ZNF536: variants seen among roughly 807,000 people sequenced by gnomAD.
The protein encoded by ZNF536 is zinc finger protein 536.
In ZNF536, 13 loss-of-function variants were observed where a neutral mutation model predicts 84.5. The ratio of observed to expected loss-of-function variants is 0.15; its 90% CI spans 0.10 to 0.24. ZNF536 has a LOEUF of 0.24. Among genes scored for constraint, ZNF536 ranks in the 10% least tolerant of loss-of-function variants. The probability of loss-of-function intolerance (pLI) is 1.00; values close to 1 mark genes in which losing one functional copy is unlikely to be tolerated. For missense variants in ZNF536, 1,536 were observed against 1,747.5 expected (o/e 0.88, Z 2.16); for synonymous variants, 811 against 742.5 (o/e 1.09, Z -1.50).
intron 2 of ZNF536, among the ~76,000 whole-genome samples, chr19:30,528,114 G>C (rs1332127175): frequency 6.6e-6 from 1 of 152,162 alleles, no homozygotes; most frequent in East Asian, 1.9e-4. Flanking sequence ...CATGGCATTT[G>C]ATGCCATAAA....
chr19:30,510,930 T>G (rs953052900), intron 2 of ZNF536, among the ~76,000 whole-genome samples: 1 of 152,220 alleles, frequency 6.6e-6, no homozygotes, highest in Non-Finnish European at 1.5e-5. Flanking sequence ...ATGAGTCTGT[T>G]GCCCGGGTCA....
chr19:30,265,254 A>G lies in ZNF536; in HGVS notation c.-189-18818A>G, dbSNP rs539242855. Among the ~76,000 whole-genome samples the G allele has an allele frequency of 1.4e-3, 210 of 152,146 alleles. 1 individual carries two copies. Among genetic ancestry groups the G allele is most frequent in the African/African-American group, 4.9e-3 (204 of 41,502 alleles). The stretch of plus-strand genomic sequence containing the variant: ...AACATTTCCCAAATGCTCGGGTGCA[A>G]TCCTCTGCCAGCCTCTGCTGCTGCC... On this transcript the variant is annotated intron_variant, in intron 1 of 5. Transcript: ENST00000585628.
Position 30,548,916 on chromosome 19 carries a change from C to T in ZNF536, c.3297C>T (p.His1099=), listed in dbSNP as rs765944372. The T allele has an allele frequency of 7.4e-6, 12 of 1,614,064 alleles. No homozygotes were observed. In the East Asian group the frequency reaches 8.9e-5, roughly 12 times the overall value. ...AGAAGAGCGGTGCATGGACCGGCCA[C>T]GTGGACCCTGCATTTTGTAACTTCC... ...GEQKSGAWTG[H]VDPAFCNFPS... Residue 1099 remains histidine, a synonymous_variant, in exon 4 of 5, where the codon CAC becomes CAT. Transcript: ENST00000355537.
chr19:30,251,143 C>G (rs749206994), intron 1 of ZNF536, among the ~76,000 whole-genome samples: 9 of 152,262 alleles, frequency 5.9e-5, no homozygotes, highest in Admixed American at 2.6e-4. Flanking sequence ...ACCAGGCCAC[C>G]TGATCACAGA....
intron 2 of ZNF536, among the ~76,000 whole-genome samples, chr19:30,452,633 C>T (rs1413834350): frequency 3.3e-5 from 5 of 152,298 alleles, no homozygotes; most frequent in African/African-American, 1.2e-4. Flanking sequence ...CCTTTTGAGC[C>T]TGGGAAGTCA....
chr19:30,404,019 CTTTTTTTT>C (rs11336660), intron 1 of ZNF536, among the ~76,000 whole-genome samples: 6 of 123,372 alleles, frequency 4.9e-5, no homozygotes, highest in African/African-American at 9.9e-5. Context: ...TTCCTTTCCT[CTTTTTTTT>C]TTTTTTTTTT....
At chr19:30,710,307 T>C (rs773813869) in intron 1 of ZNF536, among the ~76,000 whole-genome samples, 2 of 151,974 alleles carry the variant, frequency 1.3e-5, no homozygotes, top group Non-Finnish European at 2.9e-5. Flanking sequence ...ACTTAAGAGG[T>C]TGAAAAGAGA....
intron 2 of ZNF536, among the ~76,000 whole-genome samples, chr19:30,455,917 G>A (rs1024912127): frequency 1.3e-5 from 2 of 152,150 alleles, no homozygotes; most frequent in Admixed American, 6.6e-5. Context: ...TTACTGAAAT[G>A]TATGTCATAT....
intron 1 of ZNF536, among the ~76,000 whole-genome samples, chr19:30,431,065 T>C (rs542076896): frequency 1.7e-3 from 260 of 152,328 alleles, no homozygotes; most frequent in African/African-American, 5.9e-3. Context: ...CTCCCCCTTC[T>C]TTCCTGATCA....
chr19:30,542,939 G>C (rs2045390776), intron 3 of ZNF536, among the ~76,000 whole-genome samples: 1 of 152,052 alleles, frequency 6.6e-6, no homozygotes, highest in Non-Finnish European at 1.5e-5. Flanking sequence ...AGCCTCCCAA[G>C]TAGCTTAGAC....
At chr19:30,336,967 G>T (rs370952849) in intron 2 of ZNF536, among the ~76,000 whole-genome samples, 1 of 152,090 alleles carries the variant, frequency 6.6e-6, no homozygotes, top group Non-Finnish European at 1.5e-5. Context: ...GTATCATCTG[G>T]GTTGGGTCTC....
At chr19:30,273,224 TG>T (rs2025952192) in intron 1 of ZNF536, among the ~76,000 whole-genome samples, 1 of 152,182 alleles carries the variant, frequency 6.6e-6, no homozygotes, top group Non-Finnish European at 1.5e-5. Flanking sequence ...TGTGTGTGTG[TG>T]TGTGTGTATA....
At chr19:30,631,506 T>C (rs1037177965) in intron 1 of ZNF536, among the ~76,000 whole-genome samples, 1 of 152,218 alleles carries the variant, frequency 6.6e-6, no homozygotes, top group Non-Finnish European at 1.5e-5. Flanking sequence ...ATGTCTTCTT[T>C]ACCCCTCTGG....
chr19:30,597,028 G>A (rs2047490571), intron 1 of ZNF536, among the ~76,000 whole-genome samples: 1 of 152,162 alleles, frequency 6.6e-6, no homozygotes, highest in Non-Finnish European at 1.5e-5. Context: ...TTCCTGTGAT[G>A]TTAAGTAAAA....
chr19:30,495,507 G>A (rs2054682387), intron 2 of ZNF536, among the ~76,000 whole-genome samples: 1 of 152,236 alleles, frequency 6.6e-6, no homozygotes. Context: ...GCAGAGGCAT[G>A]CTGGTGTTTC....
chr19:30,597,661 G>T (rs1205022523), intron 1 of ZNF536, among the ~76,000 whole-genome samples: 1 of 152,190 alleles, frequency 6.6e-6, no homozygotes, highest in African/African-American at 2.4e-5. Context: ...ACTCATGAGT[G>T]CAAAGCAACC....
intron 1 of ZNF536, among the ~76,000 whole-genome samples, chr19:30,436,800 A>G (rs2051769177): frequency 6.6e-6 from 1 of 152,182 alleles, no homozygotes; most frequent in African/African-American, 2.4e-5. Context: ...GCCTCCAGGA[A>G]TGGGGTCTGC....
At chr19:30,564,472 C>A (rs891581400) in intron 1 of ZNF536, among the ~76,000 whole-genome samples, 2 of 151,958 alleles carry the variant, frequency 1.3e-5, no homozygotes, top group South Asian at 2.1e-4. Context: ...GAACCTTTTC[C>A]GAAGCCTCCT....
At chr19:30,239,300 A>G (rs565699658) in intron 1 of ZNF536, among the ~76,000 whole-genome samples, 3 of 152,296 alleles carry the variant, frequency 2.0e-5, no homozygotes, top group African/African-American at 7.2e-5. Flanking sequence ...CTTAATTCTG[A>G]GAACACTCTC....
Sources: gnomAD v4.1 joint callset for allele counts (sites outside exome capture counted in the v4.1 genomes callset) on GRCh38, gnomAD v4.1.1 for gene constraint, MANE v1.5 for transcripts, NCBI Gene and HGNC (gene_info 2026-07-23, HGNC 2026-07-21) for gene names.